SLC22A15: variants seen among roughly 807,000 people sequenced by gnomAD.
SLC22A15 encodes solute carrier family 22 member 15.
A neutral mutation model predicts 62.7 loss-of-function variants in SLC22A15; 45 were observed. The ratio of observed to expected loss-of-function variants is 0.72; its 90% confidence interval spans 0.56 to 0.92. SLC22A15 has a LOEUF of 0.92. Ranked by LOEUF, SLC22A15 falls within the 40% of genes least tolerant of loss-of-function variation. SLC22A15 has a pLI of 0.00. For missense variants in SLC22A15, 622 were observed against 665.6 expected (o/e 0.93, Z 0.72); for synonymous variants, 264 against 267.0 (o/e 0.99, Z 0.11).
At position 116,000,779 on chromosome 1, in the gene SLC22A15, C is replaced by T. The variant is rs186166026; in HGVS notation, c.300+8536C>T. ...CCGAGTAGCTGGGACTGCAGGCACC[C>T]GCCACCATGCCCAGCTAATTTTTTG... is the stretch of plus-strand genomic sequence containing the variant. On this transcript the variant is annotated intron_variant, in intron 2 of 11. Coordinates refer to ENST00000369503, the MANE Select transcript of SLC22A15 (RefSeq NM_018420.3). Among the ~76,000 whole-genome samples the T allele has an allele frequency of 1.1e-4, 16 of 151,836 alleles. No individual in the cohort carries two copies. The East Asian group carries it at 2.1e-3, about 20-fold the overall frequency.
At chr1:116,018,828 A>G (rs1656677179) in intron 2 of SLC22A15, among the ~76,000 whole-genome samples, 1 of 152,238 alleles carries the variant, frequency 6.6e-6, no homozygotes, top group African/African-American at 2.4e-5. Flanking sequence ...GTCATCCTAC[A>G]GTGATATGGA....
intron 8 of SLC22A15, among the ~76,000 whole-genome samples, chr1:116,052,200 C>T (rs868634601): frequency 2.6e-5 from 4 of 152,278 alleles, no homozygotes; most frequent in Non-Finnish European, 4.4e-5. Flanking sequence ...CACTCCCACC[C>T]GAATACTGTG....
At chr1:116,006,018 G>A (rs1570716255) in intron 2 of SLC22A15, among the ~76,000 whole-genome samples, 1 of 152,210 alleles carries the variant, frequency 6.6e-6, no homozygotes, top group Admixed American at 6.5e-5. Context: ...GCTCTCTGAA[G>A]AGAAGGACAG....
chr1:116,021,000 A>G, intron 4 of SLC22A15, 115 bp downstream of exon 4: 1 of 932,618 alleles, frequency 1.1e-6, no homozygotes, highest in Non-Finnish European at 1.6e-6. Context: ...ACTTTATCCA[A>G]CTATTAGATT....
chr1:116,009,115 G>A (rs989142933), intron 2 of SLC22A15, among the ~76,000 whole-genome samples: 1 of 152,174 alleles, frequency 6.6e-6, no homozygotes, highest in Non-Finnish European at 1.5e-5. Flanking sequence ...GCAGTTCACT[G>A]TATTCTCAGA....
chr1:115,999,019 T>C (rs909574005), intron 2 of SLC22A15, among the ~76,000 whole-genome samples: 2 of 152,222 alleles, frequency 1.3e-5, no homozygotes, highest in Admixed American at 6.5e-5. Context: ...TTCTTCTTAA[T>C]TTCTTCTTTG....
chr1:116,036,342 C>T (rs946883442), intron 7 of SLC22A15, among the ~76,000 whole-genome samples: 2 of 152,018 alleles, frequency 1.3e-5, no homozygotes, highest in Non-Finnish European at 1.5e-5. Flanking sequence ...TCTTTGTATC[C>T]CTGGTGCTTG....
intron 8 of SLC22A15, among the ~76,000 whole-genome samples, chr1:116,050,460 C>T (rs909715512): frequency 6.6e-6 from 1 of 152,130 alleles, no homozygotes. Flanking sequence ...CAATGTGATA[C>T]ACCATATAAA....
At chr1:115,998,474 T>G (rs1427038873) in intron 2 of SLC22A15, among the ~76,000 whole-genome samples, 1 of 152,182 alleles carries the variant, frequency 6.6e-6, no homozygotes, top group Non-Finnish European at 1.5e-5. Context: ...TTACTTGTTA[T>G]TGATCTATTT....
chr1:116,051,744 G>A (rs1412366972), intron 8 of SLC22A15, among the ~76,000 whole-genome samples: 3 of 152,188 alleles, frequency 2.0e-5, no homozygotes, highest in Non-Finnish European at 2.9e-5. Flanking sequence ...TCAGCTGCTC[G>A]TAGGACATGT....
chr1:116,025,670 T>C (rs924661307), intron 4 of SLC22A15, among the ~76,000 whole-genome samples: 1 of 152,228 alleles, frequency 6.6e-6, no homozygotes, highest in African/African-American at 2.4e-5. Context: ...GCACAAGTCC[T>C]GGCCCTGCTA....
At chr1:116,032,061 G>T (rs1401353021) in intron 6 of SLC22A15, 5 of 985,230 alleles carry the variant, frequency 5.1e-6, no homozygotes, top group African/African-American at 1.7e-5. Context: ...CACTGAGGTG[G>T]GCTAAATATG....
At chr1:116,046,023 G>A (rs1037393866) in intron 8 of SLC22A15, among the ~76,000 whole-genome samples, 1 of 152,010 alleles carries the variant, frequency 6.6e-6, no homozygotes, top group Non-Finnish European at 1.5e-5. Flanking sequence ...TTAAAAAACG[G>A]TGCTGAAATA....
At chr1:116,037,531 G>T in intron 8 of SLC22A15, 143 bp downstream of exon 8, 1 of 654,882 alleles carries the variant, frequency 1.5e-6, no homozygotes, top group Non-Finnish European at 2.7e-6. Context: ...TAATGGGCCA[G>T]ATTCTTTCCT....
intron 2 of SLC22A15, among the ~76,000 whole-genome samples, chr1:116,003,176 G>A (rs114852205): frequency 0.018 from 2,737 of 151,036 alleles, 35 homozygotes; most frequent in Middle Eastern, 0.068. Flanking sequence ...GGGTGCATTA[G>A]GACTCTGCTT....
intron 8 of SLC22A15, among the ~76,000 whole-genome samples, chr1:116,049,800 G>T (rs901011478): frequency 2.0e-5 from 3 of 152,098 alleles, no homozygotes; most frequent in Non-Finnish European, 2.9e-5. Flanking sequence ...AAAGATAAAT[G>T]AAACAAAAAG....
At chr1:116,007,034 T>C (rs923402572) in intron 2 of SLC22A15, among the ~76,000 whole-genome samples, 2 of 152,194 alleles carry the variant, frequency 1.3e-5, no homozygotes, top group Non-Finnish European at 2.9e-5. Context: ...TTGATTATAG[T>C]TATTGATAAT....
chr1:115,981,722 A>G (rs1482525546), intron 1 of SLC22A15, among the ~76,000 whole-genome samples: 1 of 152,226 alleles, frequency 6.6e-6, no homozygotes, highest in Non-Finnish European at 1.5e-5. Context: ...AGGACATTCC[A>G]TGGAAAGCAA....
chr1:116,036,419 G>C (rs1657630125), intron 7 of SLC22A15, among the ~76,000 whole-genome samples: 1 of 152,116 alleles, frequency 6.6e-6, no homozygotes, highest in Admixed American at 6.5e-5. Flanking sequence ...AAATGACCTG[G>C]AAAAGAACAC....
Sources: allele counts gnomAD v4.1 joint callset (sites outside exome capture counted in the v4.1 genomes callset), GRCh38; gene constraint gnomAD v4.1.1; transcripts MANE v1.5; gene names NCBI Gene and HGNC (gene_info 2026-07-23, HGNC 2026-07-21).